The following LMCD1 variants were observed in gnomAD, a reference collection of about 807,000 sequenced individuals.
LMCD1 encodes LIM and cysteine-rich domains protein 1.
Under a neutral mutation model 42.7 loss-of-function variants are expected in LMCD1, and 32 were observed. That is an observed-to-expected ratio of 0.75 (90% CI 0.57 to 1.01). The LOEUF (loss-of-function observed/expected upper bound fraction) is 1.01, where lower values mean the gene tolerates loss of function less well. LMCD1 is among the 50% of genes least tolerant of loss of function. LMCD1 has a pLI of 0.00. For missense variants in LMCD1, 458 were observed against 483.1 expected (o/e 0.95, Z 0.49); for synonymous variants, 178 against 184.9 (o/e 0.96, Z 0.30).
rs1332555381 is a variant in LMCD1 at position 8,558,955 on chromosome 3, G to A, written c.724-6477G>A. Among the ~76,000 whole-genome samples, 3 of 152,198 alleles carry A rather than the reference G, an allele frequency of 2.0e-5. No individual in the cohort carries two copies. The East Asian group carries it at 5.8e-4, about 29-fold the overall frequency. On this transcript the variant is annotated intron_variant, in intron 4 of 5. Transcript: ENST00000157600. ...ACACTGTGGGGAGGTGGTGGCGGTG[G>A]GGGAGCAGAGATATGTTTTAACCAG...
chr3:8,563,924 G>T (rs1695084155), intron 4 of LMCD1, among the ~76,000 whole-genome samples: 1 of 152,250 alleles, frequency 6.6e-6, no homozygotes, highest in African/African-American at 2.4e-5. Flanking sequence ...CCCAACTGAG[G>T]GACATTCTAC....
intron 4 of LMCD1, among the ~76,000 whole-genome samples, chr3:8,563,929 T>C (rs896193854): frequency 4.1e-4 from 62 of 152,290 alleles, no homozygotes; most frequent in African/African-American, 1.4e-3. Context: ...CTGAGGGACA[T>C]TCTACAAAAC....
At chr3:8,554,369 G>C (rs1425488627) in intron 4 of LMCD1, among the ~76,000 whole-genome samples, 1 of 152,198 alleles carries the variant, frequency 6.6e-6, no homozygotes, top group Non-Finnish European at 1.5e-5. Context: ...GGCCTCGGCA[G>C]GGTGGGTCCG....
intron 2 of LMCD1, among the ~76,000 whole-genome samples, chr3:8,533,634 TG>T (rs1006669792): frequency 6.6e-6 from 1 of 152,184 alleles, no homozygotes; most frequent in Admixed American, 6.5e-5. Context: ...CATTATGAGA[TG>T]GGAATTATAA....
chr3:8,561,557 T>C (rs165177), intron 4 of LMCD1, among the ~76,000 whole-genome samples: 122,540 of 152,172 alleles, frequency 0.81, 50,050 homozygotes, highest in African/African-American at 0.95. Flanking sequence ...AGCTTACTGA[T>C]GCCGGATCTC....
At position 8,550,012 on chromosome 3, in the gene LMCD1, G is replaced by A. The variant is rs918558685; in HGVS notation, c.723+1109G>A. On this transcript the variant is annotated intron_variant, in intron 4 of 5. Coordinates refer to ENST00000157600, the MANE Select transcript of LMCD1 (RefSeq NM_014583.4). ...TCAATACTGCCATGCAGAGGATTATGTTTCAACCTGAGTGTTTGGAGGGGA... is the reference window on the plus strand; with the variant it reads ...TCAATACTGCCATGCAGAGGATTATATTTCAACCTGAGTGTTTGGAGGGGA... 2.0e-6 allele frequency: 3 copies of A among 1,515,964 alleles called. No individual in the cohort carries two copies. The African/African-American group carries it at 4.1e-5, about 21-fold the overall frequency. 93.9% of individuals were successfully genotyped at this position (1,515,964 alleles called of 1,614,324 possible). A position where few individuals can be genotyped will look rare whatever the true frequency, so the allele number is the denominator to read the frequency against.
intron 1 of LMCD1, among the ~76,000 whole-genome samples, chr3:8,506,829 C>A (rs190741358): frequency 6.6e-6 from 1 of 152,174 alleles, no homozygotes; most frequent in Non-Finnish European, 1.5e-5. Context: ...TAGGAAGTGG[C>A]AGAATTTGGA....
intron 1 of LMCD1, among the ~76,000 whole-genome samples, chr3:8,528,596 T>A (rs1694345289): frequency 6.6e-6 from 1 of 152,188 alleles, no homozygotes; most frequent in African/African-American, 2.4e-5. Context: ...GCAGGGATAA[T>A]TCATTTTTCA....
At chr3:8,557,372 C>G (rs192008106) in intron 4 of LMCD1, among the ~76,000 whole-genome samples, 1 of 152,310 alleles carries the variant, frequency 6.6e-6, no homozygotes, top group East Asian at 1.9e-4. Flanking sequence ...GAACCCAGTG[C>G]CTGAATTCAA....
At chr3:8,508,258 A>G (rs893531569) in intron 1 of LMCD1, among the ~76,000 whole-genome samples, 1 of 152,198 alleles carries the variant, frequency 6.6e-6, no homozygotes, top group Non-Finnish European at 1.5e-5. Context: ...GCATTTCTAC[A>G]TGTCTAGTCA....
At chr3:8,525,398 T>TTG (rs371508462) in intron 1 of LMCD1, among the ~76,000 whole-genome samples, 8 of 151,860 alleles carry the variant, frequency 5.3e-5, no homozygotes, top group South Asian at 2.1e-4. Flanking sequence ...TATTATTCCA[T>TTG]TGTGTGTGTG....
chr3:8,561,764 T>C (rs1406408213), intron 4 of LMCD1, among the ~76,000 whole-genome samples: 2 of 152,130 alleles, frequency 1.3e-5, no homozygotes, highest in Admixed American at 1.3e-4. Context: ...GAGAAATAAC[T>C]CTCTCGGGCT....
At position 8,572,985 on chromosome 3, in the gene LMCD1, T is replaced by A. The variant is rs779144813; in HGVS notation, c.*5387T>A. On this transcript the variant is annotated 3_prime_UTR_variant, in exon 6 of 6. Transcript: ENST00000157600. ...AAGCTTTCCATGATGCTGCTTAGAG[T>A]TAAACAGAGCCCAGGTACTAAGTTA... The A allele has an allele frequency of 2.0e-5, 3 of 152,156 alleles. No homozygotes were observed. Among genetic ancestry groups the A allele is most frequent in the Non-Finnish European group, 4.4e-5 (3 of 68,036 alleles). 9.4% of individuals were successfully genotyped at this position (152,156 alleles called of 1,614,324 possible).
Position 8,537,431 on chromosome 3 carries a change from C to T in LMCD1, c.378C>T (p.Thr126=). The part of the protein sequence containing the change: ...ITYEWAPPGV[T]QKLGLQYMEL... ...ACGAGTGGGCTCCCCCTGGAGTCAC[C>T]CAGAAACTGGTAAGAGAGCTTCCCC... Residue 126 remains threonine, a synonymous_variant, in exon 3 of 6, where the codon ACC becomes ACT. Coordinates refer to ENST00000157600, the MANE Select transcript of LMCD1 (RefSeq NM_014583.4). The T allele has an allele frequency of 6.3e-7, 1 of 1,579,510 alleles. No homozygotes were observed. Among genetic ancestry groups the T allele is most frequent in the Non-Finnish European group, 8.6e-7 (1 of 1,159,182 alleles).
intron 4 of LMCD1, among the ~76,000 whole-genome samples, chr3:8,563,302 G>A (rs887411731): frequency 1.3e-5 from 2 of 152,252 alleles, no homozygotes; most frequent in Admixed American, 1.3e-4. Context: ...AGATCTTTAA[G>A]TCTCACATCT....
intron 2 of LMCD1, among the ~76,000 whole-genome samples, chr3:8,533,922 C>A (rs1035382854): frequency 6.6e-6 from 1 of 151,772 alleles, no homozygotes; most frequent in Non-Finnish European, 1.5e-5. Flanking sequence ...GAGCTCGCAC[C>A]GTCTTCTGGT....
chr3:8,564,768 T>C (rs904908581), intron 4 of LMCD1, among the ~76,000 whole-genome samples: 1 of 152,184 alleles, frequency 6.6e-6, no homozygotes, highest in South Asian at 2.1e-4. Context: ...AAGAAGAATA[T>C]CCACAGTTGC....
intron 1 of LMCD1, among the ~76,000 whole-genome samples, chr3:8,503,530 A>G (rs562627018): frequency 5.9e-5 from 9 of 152,306 alleles, no homozygotes; most frequent in East Asian, 1.9e-4. Flanking sequence ...TATGCATGCA[A>G]TGCTCTTATT....
chr3:8,558,665 T>C (rs1357104051), intron 4 of LMCD1, among the ~76,000 whole-genome samples: 1 of 152,236 alleles, frequency 6.6e-6, no homozygotes, highest in Non-Finnish European at 1.5e-5. Context: ...CATTTGACCA[T>C]ACTAGCTCCT....
Sources: allele counts gnomAD v4.1 joint callset (sites outside exome capture counted in the v4.1 genomes callset), GRCh38; gene constraint gnomAD v4.1.1; transcripts MANE v1.5; gene names NCBI Gene and HGNC (gene_info 2026-07-23, HGNC 2026-07-21).